The following LCOR variants were observed in gnomAD, a reference collection of about 807,000 sequenced individuals.
LCOR encodes the protein ligand dependent nuclear receptor corepressor, also known as ligand-dependent corepressor.
Under a neutral mutation model 64.4 loss-of-function variants are expected in LCOR, and 14 were observed. That is an observed-to-expected ratio of 0.22 (90% CI 0.14 to 0.34). The LOEUF is 0.34. LCOR is among the 10% of genes least tolerant of loss of function. The probability of loss-of-function intolerance (pLI) is 1.00; values close to 1 mark genes in which losing one functional copy is unlikely to be tolerated. For synonymous variants in LCOR, 643 were observed against 642.5 expected (o/e 1.00, Z -0.01); for missense variants, 1,686 against 1,765.3 (o/e 0.96, Z 0.80).
intron 7 of LCOR, chr10:96,957,564 T>C: frequency 1.0e-6 from 1 of 985,276 alleles, no homozygotes; most frequent in Non-Finnish European, 1.2e-6. Context: ...AAACAAACAT[T>C]ATTGGAGTTT....
chr10:96,901,535 C>T (rs541600682), intron 2 of LCOR, among the ~76,000 whole-genome samples: 1 of 152,190 alleles, frequency 6.6e-6, no homozygotes, highest in African/African-American at 2.4e-5. Flanking sequence ...TTCATGGAGC[C>T]CATTAGATAA....
At chr10:96,963,626 C>T (rs375939830) in intron 7 of LCOR, 14 of 152,196 alleles carry the variant, frequency 9.2e-5, no homozygotes, top group African/African-American at 3.4e-4. Context: ...TATCAGCAGA[C>T]AGTTTTGTCC....
chr10:96,921,883 G>T (rs527427639), intron 4 of LCOR, among the ~76,000 whole-genome samples: 1 of 152,222 alleles, frequency 6.6e-6, no homozygotes, highest in Non-Finnish European at 1.5e-5. Context: ...ACATCTGAGC[G>T]TTTATTTCTG....
At chr10:96,897,815 G>T (rs1198680283) in intron 2 of LCOR, among the ~76,000 whole-genome samples, 1 of 150,778 alleles carries the variant, frequency 6.6e-6, no homozygotes, top group African/African-American at 2.4e-5. Flanking sequence ...TTATGTTCTG[G>T]TTTTAGTCTA....
chr10:96,916,283 G>A (rs1017585395), intron 4 of LCOR, among the ~76,000 whole-genome samples: 3 of 151,896 alleles, frequency 2.0e-5, no homozygotes, highest in East Asian at 1.9e-4. Context: ...CGCCCACCTC[G>A]GCCTCCCAAA....
chr10:96,945,718 G>C (rs1847575572), intron 5 of LCOR, among the ~76,000 whole-genome samples: 1 of 152,048 alleles, frequency 6.6e-6, no homozygotes, highest in Non-Finnish European at 1.5e-5. Context: ...TTGATCTGTT[G>C]TGTTGTTATA....
intron 5 of LCOR, among the ~76,000 whole-genome samples, chr10:96,946,204 C>T (rs1380613612): frequency 6.6e-6 from 1 of 151,960 alleles, no homozygotes; most frequent in Admixed American, 6.6e-5. Flanking sequence ...TAAATTAATA[C>T]CAAAAATGTT....
intron 7 of LCOR, chr10:96,955,054 A>T (rs563073232): frequency 6.2e-7 from 1 of 1,613,976 alleles, no homozygotes; most frequent in Non-Finnish European, 8.5e-7. Flanking sequence ...GGTTTTGGAC[A>T]CTCCACATCA....
At chr10:96,902,357 GCAT>G (rs1846654535) in intron 2 of LCOR, among the ~76,000 whole-genome samples, 2 of 152,110 alleles carry the variant, frequency 1.3e-5, no homozygotes, top group Admixed American at 6.6e-5. Flanking sequence ...TCATCATAGT[GCAT>G]CATCTGGGAG....
chr10:96,907,993 T>C (rs1170765616), intron 4 of LCOR: 1 of 152,234 alleles, frequency 6.6e-6, no homozygotes, highest in Non-Finnish European at 1.5e-5. Flanking sequence ...TTTTTTGCTT[T>C]TTTGTTTTTT....
chr10:96,871,511 C>G (rs1425677990), intron 2 of LCOR, among the ~76,000 whole-genome samples: 1 of 152,082 alleles, frequency 6.6e-6, no homozygotes, highest in Non-Finnish European at 1.5e-5. Context: ...TTCCTGGACT[C>G]CAGTGATTCT....
rs1018471701 is a variant in LCOR, at chr10:96,944,125, G to C, written c.-171G>C. The C allele has an allele frequency of 1.0e-5, 10 of 985,514 alleles. No individual in the cohort carries two copies. In the African/African-American group the frequency reaches 1.7e-4, roughly 17 times the overall value. 61.0% of individuals were successfully genotyped at this position (985,514 alleles called of 1,614,324 possible). A position where few individuals can be genotyped will look rare whatever the true frequency, so the allele number is the denominator to read the frequency against. On this transcript the variant is annotated 5_prime_UTR_variant, in exon 5 of 8. Coordinates refer to ENST00000421806, the MANE Select transcript of LCOR (RefSeq NM_001346516.2). ...AGTATTTTTGCAGGGACACTTAGTC[G>C]GTCTGGATGAACCAGCTTCGGGAGC... is the stretch of plus-strand genomic sequence containing the variant.
chr10:96,906,086 A>ACACATTT, intron 2 of LCOR, among the ~76,000 whole-genome samples: 1 of 152,112 alleles, frequency 6.6e-6, no homozygotes, highest in Non-Finnish European at 1.5e-5. Context: ...GTCCGGCAGG[A>ACACATTT]TATAGTATTT....
chr10:96,850,581 A>G (rs1405756619), intron 2 of LCOR, among the ~76,000 whole-genome samples: 1 of 151,934 alleles, frequency 6.6e-6, no homozygotes. Context: ...TGATCTCCTG[A>G]GCTCAAGTGA....
At chr10:96,974,625 C>G (rs1051846644) in intron 7 of LCOR, among the ~76,000 whole-genome samples, 1 of 152,184 alleles carries the variant, frequency 6.6e-6, no homozygotes, top group African/African-American at 2.4e-5. Flanking sequence ...AATTGCCTCT[C>G]TCTGGTTTCC....
chr10:96,845,955 C>G (rs1845622308), intron 2 of LCOR, among the ~76,000 whole-genome samples: 1 of 151,964 alleles, frequency 6.6e-6, no homozygotes, highest in Non-Finnish European at 1.5e-5. Context: ...GCCTGTAATA[C>G]CAGCACTTTG....
intron 2 of LCOR, among the ~76,000 whole-genome samples, chr10:96,861,004 C>A (rs549908426): frequency 6.6e-6 from 1 of 151,978 alleles, no homozygotes; most frequent in Non-Finnish European, 1.5e-5. Context: ...ATAACTTGAA[C>A]GATATTTCTG....
At chr10:96,937,546 C>T (rs1176038116) in intron 4 of LCOR, among the ~76,000 whole-genome samples, 1 of 151,986 alleles carries the variant, frequency 6.6e-6, no homozygotes, top group Non-Finnish European at 1.5e-5. Flanking sequence ...GAGATGGGGT[C>T]TCATGATATT....
chr10:96,853,390 T>C (rs1327518899), intron 2 of LCOR, among the ~76,000 whole-genome samples: 1 of 152,196 alleles, frequency 6.6e-6, no homozygotes, highest in African/African-American at 2.4e-5. Context: ...TAAAAATTAT[T>C]TTCTTTATTC....
Sources: gnomAD v4.1 joint callset for allele counts (sites outside exome capture counted in the v4.1 genomes callset) on GRCh38, gnomAD v4.1.1 for gene constraint, MANE v1.5 for transcripts, NCBI Gene and HGNC (gene_info 2026-07-23, HGNC 2026-07-21) for gene names.